FALEC: variants seen among roughly 807,000 people sequenced by gnomAD.
FALEC encodes the protein focally amplified lncRNA regulator of ECM1, also known as focally amplified lncRNA on chromosome 1.
chr1:150,519,386 C>A (rs1056546452), downstream of FALEC, among the ~76,000 whole-genome samples: 2 of 152,136 alleles, frequency 1.3e-5, no homozygotes, highest in African/African-American at 4.8e-5. Flanking sequence ...ATGTACAATT[C>A]AATGGGTTTT....
chr1:150,516,756 G>A (rs1670574731), intron 1 of FALEC, among the ~76,000 whole-genome samples: 1 of 152,186 alleles, frequency 6.6e-6, no homozygotes, highest in Admixed American at 6.5e-5. Context: ...TGTTGAAAGG[G>A]AAGGATATAC....
the FALEC span, among the ~76,000 whole-genome samples, chr1:150,529,041 C>CAAAAAAAAAAAAAAAAAAAA: frequency 1.7e-4 from 10 of 58,664 alleles, no homozygotes; most frequent in African/African-American, 2.7e-4. Context: ...AAAAAAAAAT[C>CAAAAAAAAAAAAAAAAAAAA]AAAGGATCTA....
chr1:150,527,832 G>A, the FALEC span, among the ~76,000 whole-genome samples: 4 of 152,160 alleles, frequency 2.6e-5, 1 homozygote, highest in East Asian at 3.9e-4. Context: ...CCTGGGCGAC[G>A]TAGCAAGGCT....
the FALEC span, among the ~76,000 whole-genome samples, chr1:150,526,388 A>G: frequency 6.6e-6 from 1 of 151,060 alleles, no homozygotes; most frequent in African/African-American, 2.4e-5. Flanking sequence ...TTGTAGAGAC[A>G]GGGTCTCGCT....
downstream of FALEC, among the ~76,000 whole-genome samples, chr1:150,522,950 T>TAC (rs1670672551): frequency 4.8e-5 from 1 of 20,966 alleles, no homozygotes; most frequent in African/African-American, 2.0e-4. Context: ...TGTGTGTGTG[T>TAC]ATATATATAT....
downstream of FALEC, among the ~76,000 whole-genome samples, chr1:150,521,383 T>C (rs1218904742): frequency 6.6e-6 from 1 of 152,200 alleles, no homozygotes; most frequent in African/African-American, 2.4e-5. Context: ...TTCTTGAGGT[T>C]GTCAATGTGG....
At chr1:150,516,707 C>T (rs1670574254) in intron 1 of FALEC, among the ~76,000 whole-genome samples, 1 of 152,112 alleles carries the variant, frequency 6.6e-6, no homozygotes, top group Non-Finnish European at 1.5e-5. Context: ...TTGGAGAGGC[C>T]AGGGAAAGCT....
At chr1:150,533,843 A>G in the FALEC span, among the ~76,000 whole-genome samples, 1 of 152,054 alleles carries the variant, frequency 6.6e-6, no homozygotes, top group South Asian at 2.1e-4. Context: ...GAATAATGAC[A>G]CCTGTGCTTC....
At chr1:150,529,041 C>CAAAAAAAAAAAAAAAAAAAAAAA in the FALEC span, among the ~76,000 whole-genome samples, 8 of 58,680 alleles carry the variant, frequency 1.4e-4, no homozygotes, top group Non-Finnish European at 1.5e-4. Context: ...AAAAAAAAAT[C>CAAAAAAAAAAAAAAAAAAAAAAA]AAAGGATCTA....
the FALEC span, among the ~76,000 whole-genome samples, chr1:150,524,759 A>T: frequency 1.3e-5 from 2 of 152,212 alleles, no homozygotes; most frequent in African/African-American, 2.4e-5. Context: ...CATGCCTGTA[A>T]TCCCAGCTCT....
chr1:150,527,364 G>A, the FALEC span, among the ~76,000 whole-genome samples: 4 of 150,354 alleles, frequency 2.7e-5, no homozygotes, highest in African/African-American at 9.8e-5. Flanking sequence ...GTTCAAGCGA[G>A]TCTCCTGCCT....
At chr1:150,522,244 CA>C (rs60709164), downstream of FALEC, among the ~76,000 whole-genome samples, 120 of 119,060 alleles carry the variant, frequency 1.0e-3, no homozygotes, top group East Asian at 2.4e-3. Context: ...GAGACTGTCT[CA>C]AAAAAAAAAA....
chr1:150,529,587 G>A, the FALEC span, among the ~76,000 whole-genome samples: 2 of 152,010 alleles, frequency 1.3e-5, no homozygotes, highest in African/African-American at 4.8e-5. Context: ...GGAAAGATTT[G>A]TGGGGATCTG....
chr1:150,525,499 G>GA, the FALEC span, among the ~76,000 whole-genome samples: 233 of 149,100 alleles, frequency 1.6e-3, no homozygotes, highest in African/African-American at 1.9e-3. Context: ...AGTTCAACTG[G>GA]AAAAAAAAAA....
the FALEC span, among the ~76,000 whole-genome samples, chr1:150,524,467 G>C: frequency 1.3e-5 from 2 of 152,166 alleles, no homozygotes; most frequent in Admixed American, 1.3e-4. Context: ...TCCAAAACCA[G>C]AGTATAGTTG....
chr1:150,518,886 G>A (rs982986310), downstream of FALEC, among the ~76,000 whole-genome samples: 4 of 151,548 alleles, frequency 2.6e-5, no homozygotes, highest in East Asian at 3.9e-4. Context: ...GTGAAACCAC[G>A]TCTCTACCAA....
At chr1:150,527,633 A>G in the FALEC span, among the ~76,000 whole-genome samples, 1 of 152,096 alleles carries the variant, frequency 6.6e-6, no homozygotes, top group Non-Finnish European at 1.5e-5. Flanking sequence ...GGAACCTGGA[A>G]TTTGAGACCC....
chr1:150,532,752 G>A, the FALEC span, among the ~76,000 whole-genome samples: 1 of 150,482 alleles, frequency 6.6e-6, no homozygotes, highest in African/African-American at 2.5e-5. Context: ...TAACGGTGAA[G>A]ACAAACAGTG....
chr1:150,528,621 G>A, the FALEC span, among the ~76,000 whole-genome samples: 2 of 145,766 alleles, frequency 1.4e-5, no homozygotes, highest in East Asian at 2.0e-4. Flanking sequence ...TCACTCTGTC[G>A]CCCAGGCTGG....
Sources: gnomAD v4.1 joint callset for allele counts (sites outside exome capture counted in the v4.1 genomes callset) on GRCh38, gnomAD v4.1.1 for gene constraint, MANE v1.5 for transcripts, NCBI Gene and HGNC (gene_info 2026-07-23, HGNC 2026-07-21) for gene names.